VWA8: variants seen among roughly 807,000 people sequenced by gnomAD.
The protein encoded by VWA8 is von Willebrand factor A domain-containing protein 8.
VWA8 carries 221 observed loss-of-function variants against 241.5 expected under a neutral mutation model. The observed-to-expected ratio is 0.91, with a 90% CI of 0.82 to 1.02. VWA8 has a LOEUF of 1.02. Among genes scored for constraint, VWA8 ranks in the 50% least tolerant of loss-of-function variants. The probability of loss-of-function intolerance (pLI) is 0.00; values close to 1 mark genes in which losing one functional copy is unlikely to be tolerated. For missense variants in VWA8, 2,322 were observed against 2,328.7 expected, an observed-to-expected ratio of 1.00 and a Z score of 0.06; for synonymous variants, 852 against 827.1, an observed-to-expected ratio of 1.03 and a Z score of -0.52.
chr13:41,750,498 G>C lies in VWA8; in HGVS notation c.2426+10630C>G, dbSNP rs2045647535. On this transcript the variant is annotated intron_variant, in intron 21 of 44. Coordinates refer to ENST00000379310, the MANE Select transcript of VWA8 (RefSeq NM_015058.2). ...AAAAAAAAGGAAAAAAAGAAAGGAA[G>C]GAAGGAAGGAAGGAAAACATTTGAT... Among the ~76,000 whole-genome samples, 4 of 150,866 alleles carry C rather than the reference G, an allele frequency of 2.7e-5. No individual in the cohort carries two copies. The South Asian group carries it at 8.4e-4, about 32-fold the overall frequency.
intron 38 of VWA8, among the ~76,000 whole-genome samples, chr13:41,612,729 G>A (rs1318115474): frequency 6.6e-6 from 1 of 152,138 alleles, no homozygotes; most frequent in East Asian, 1.9e-4. Flanking sequence ...ACTTAGAAGG[G>A]AATCCAATAT....
Position 41,568,251 on chromosome 13 carries a change from A to G in VWA8, c.5664T>C (p.Asp1888=). ...GRSFVAMDTK[D]IPQILQQIFT... ...AGATCTGTTGTAAAATCTGAGGGAT[A>G]TCCTTGGTATCCATGGCAACGAAAG... Residue 1888 remains aspartate, a synonymous_variant, in exon 45 of 45, where the codon GAT becomes GAC. Transcript: ENST00000379310. 1.2e-6 allele frequency: 2 copies of G among 1,614,188 alleles called. No homozygotes were observed. The highest frequency in any genetic ancestry group is 1.7e-6 in the Non-Finnish European group (2 of 1,180,028).
At chr13:41,621,630 A>G (rs1475286615) in intron 37 of VWA8, among the ~76,000 whole-genome samples, 2 of 152,208 alleles carry the variant, frequency 1.3e-5, no homozygotes, top group African/African-American at 2.4e-5. Context: ...CTTTCATCAA[A>G]TATTATCTCC....
At chr13:41,687,369 G>A (rs1001370306) in intron 34 of VWA8, among the ~76,000 whole-genome samples, 2 of 152,112 alleles carry the variant, frequency 1.3e-5, no homozygotes, top group African/African-American at 2.4e-5. Context: ...GATTCTTATA[G>A]CTATTTGGTA....
intron 20 of VWA8, among the ~76,000 whole-genome samples, chr13:41,773,790 T>A (rs975305819): frequency 6.6e-6 from 1 of 152,232 alleles, no homozygotes; most frequent in Non-Finnish European, 1.5e-5. Flanking sequence ...GGCAAAGTTA[T>A]GTATGATTTA....
chr13:41,913,498 G>A (rs1032685476), intron 2 of VWA8, among the ~76,000 whole-genome samples: 2 of 152,088 alleles, frequency 1.3e-5, no homozygotes, highest in Admixed American at 1.3e-4. Context: ...CTGAGGTCAC[G>A]GATTAGTTCA....
chr13:41,761,473 T>C (rs1407845739), intron 20 of VWA8, among the ~76,000 whole-genome samples: 3 of 152,068 alleles, frequency 2.0e-5, no homozygotes, highest in Non-Finnish European at 4.4e-5. Context: ...GACTTTTCTG[T>C]TCTGTAAATT....
chr13:41,684,829 A>C (rs2045124258), intron 35 of VWA8, among the ~76,000 whole-genome samples: 1 of 152,198 alleles, frequency 6.6e-6, no homozygotes, highest in South Asian at 2.1e-4. Flanking sequence ...TATAATATAA[A>C]TGAAGATGAG....
At chr13:41,790,828 A>G (rs899322644) in intron 17 of VWA8, among the ~76,000 whole-genome samples, 2 of 151,960 alleles carry the variant, frequency 1.3e-5, no homozygotes, top group African/African-American at 4.8e-5. Context: ...ATTGATGTTC[A>G]CTTTATAGGG....
chr13:41,937,808 T>C (rs1395952458), intron 2 of VWA8, among the ~76,000 whole-genome samples: 2 of 152,198 alleles, frequency 1.3e-5, no homozygotes, highest in Non-Finnish European at 2.9e-5. Flanking sequence ...TTTTTAAAAT[T>C]ATACATCTGC....
intron 21 of VWA8, among the ~76,000 whole-genome samples, chr13:41,755,364 T>C (rs1415243944): frequency 1.3e-5 from 2 of 152,052 alleles, no homozygotes; most frequent in Non-Finnish European, 2.9e-5. Flanking sequence ...CAACTTTACA[T>C]AGTAAATAAC....
chr13:41,593,344 C>A (rs983392288), intron 40 of VWA8, among the ~76,000 whole-genome samples: 16 of 152,094 alleles, frequency 1.1e-4, no homozygotes, highest in African/African-American at 3.6e-4. Context: ...ATGTTCTTTC[C>A]AGATTATGTT....
intron 22 of VWA8, 125 bp from the exon 23 acceptor site, chr13:41,729,802 C>A (rs1364145971): frequency 3.3e-5 from 9 of 271,826 alleles, no homozygotes; most frequent in Non-Finnish European, 5.6e-5. Context: ...CACGTAGACA[C>A]ACACACACAC....
At chr13:41,907,559 C>T in intron 4 of VWA8, 27 bp downstream of exon 4, 1 of 1,598,742 alleles carries the variant, frequency 6.3e-7, no homozygotes. Context: ...AGTACACAGT[C>T]ATGGGCTAGA....
At chr13:41,902,079 T>A (rs1402135266) in intron 4 of VWA8, among the ~76,000 whole-genome samples, 2 of 151,546 alleles carry the variant, frequency 1.3e-5, no homozygotes, top group Middle Eastern at 3.4e-3. Flanking sequence ...GATGTATTTT[T>A]AAATAATGAT....
intron 21 of VWA8, among the ~76,000 whole-genome samples, chr13:41,732,688 A>G (rs2137866205): frequency 6.6e-6 from 1 of 152,182 alleles, no homozygotes; most frequent in South Asian, 2.1e-4. Context: ...ACTTTATGGG[A>G]TTTTGAACAT....
chr13:41,945,521 A>G (rs1877810584), intron 2 of VWA8, among the ~76,000 whole-genome samples: 1 of 152,194 alleles, frequency 6.6e-6, no homozygotes, highest in Admixed American at 6.5e-5. Context: ...ATTAAAAGAA[A>G]TCATGTCTAA....
At chr13:41,793,079 A>G (rs1183902542) in intron 17 of VWA8, among the ~76,000 whole-genome samples, 3 of 152,142 alleles carry the variant, frequency 2.0e-5, no homozygotes, top group African/African-American at 7.2e-5. Flanking sequence ...ATTTTGCCTT[A>G]AGAATATTTG....
At chr13:41,913,846 T>C (rs1452282382) in intron 2 of VWA8, among the ~76,000 whole-genome samples, 1 of 152,236 alleles carries the variant, frequency 6.6e-6, no homozygotes, top group Non-Finnish European at 1.5e-5. Context: ...TCTAAGACAT[T>C]CATCCCTAGC....
Sources: allele counts gnomAD v4.1 joint callset (sites outside exome capture counted in the v4.1 genomes callset), GRCh38; gene constraint gnomAD v4.1.1; transcripts MANE v1.5; gene names NCBI Gene and HGNC (gene_info 2026-07-23, HGNC 2026-07-21).